The following KLHL3 variants were observed in gnomAD, a reference collection of about 807,000 sequenced individuals.
KLHL3 encodes kelch like family member 3, also known as kelch-like protein 3.
A neutral mutation model predicts 70.5 loss-of-function variants in KLHL3; 19 were observed. The ratio of observed to expected loss-of-function variants is 0.27; its 90% CI spans 0.19 to 0.40. The LOEUF (loss-of-function observed/expected upper bound fraction) is 0.40. KLHL3 is among the 10% of genes least tolerant of loss of function. The pLI is 1.00. For missense variants in KLHL3, 512 were observed against 771.1 expected (o/e 0.66, Z 3.98); for synonymous variants, 258 against 290.3 (o/e 0.89, Z 1.13).
chr5:137,658,034 G>T, intron 8 of KLHL3, 97 bp downstream of exon 8: 1 of 1,222,982 alleles, frequency 8.2e-7, no homozygotes, highest in Non-Finnish European at 1.2e-6. Context: ...CAAGATGCAG[G>T]GCAGCCATGG....
intron 1 of KLHL3, among the ~76,000 whole-genome samples, chr5:137,733,362 G>A (rs1273428452): frequency 6.6e-6 from 1 of 152,202 alleles, no homozygotes; most frequent in Non-Finnish European, 1.5e-5. Flanking sequence ...TTAGTTATCA[G>A]AGCCTCACAC....
chr5:137,701,344 G>A (rs1036282742), intron 3 of KLHL3, among the ~76,000 whole-genome samples: 3 of 151,980 alleles, frequency 2.0e-5, no homozygotes, highest in Non-Finnish European at 2.9e-5. Flanking sequence ...CACCGTGCCC[G>A]GCCAAAATTG....
At chr5:137,704,451 C>A (rs1752642994) in intron 3 of KLHL3, among the ~76,000 whole-genome samples, 1 of 152,078 alleles carries the variant, frequency 6.6e-6, no homozygotes. Flanking sequence ...TCCAAGATAC[C>A]ACACCATCTC....
intron 1 of KLHL3, chr5:137,725,082 A>G: frequency 1.0e-6 from 1 of 984,792 alleles, no homozygotes; most frequent in East Asian, 1.1e-4. Context: ...TAACTACTTA[A>G]ACCTCAATAG....
At chr5:137,663,484 C>T (rs1024959823) in intron 6 of KLHL3, among the ~76,000 whole-genome samples, 1 of 151,352 alleles carries the variant, frequency 6.6e-6, no homozygotes, top group Non-Finnish European at 1.5e-5. Context: ...AATCATCCTC[C>T]CATATACTTT....
chr5:137,691,614 C>CTT (rs34825035), intron 5 of KLHL3, among the ~76,000 whole-genome samples: 1 of 143,286 alleles, frequency 7.0e-6, no homozygotes. Flanking sequence ...TAGTACGTGA[C>CTT]TTTTTTTTTT....
chr5:137,692,522 C>T lies in KLHL3; in HGVS notation c.364-75G>A. Reference sequence around the variant, plus strand: ...TCATCTGCCTTTTCCTATCATATCACTCCCATGCTCAAGATCTTTTCATGG... The same window carrying T: ...TCATCTGCCTTTTCCTATCATATCATTCCCATGCTCAAGATCTTTTCATGG... On this transcript the variant is annotated intron_variant, in intron 4 of 14. Coordinates refer to ENST00000309755, the MANE Select transcript of KLHL3 (RefSeq NM_017415.3). 2.2e-6 allele frequency: 3 copies of T among 1,395,212 alleles called. No individual in the cohort carries two copies. In the South Asian group the frequency reaches 3.8e-5, roughly 18 times the overall value. The allele number at this position is 1,395,212 out of a possible 1,614,324, so 86.4% of individuals were successfully genotyped here. A position where few individuals can be genotyped will look rare whatever the true frequency, so the allele number is the denominator to read the frequency against.
intron 7 of KLHL3, among the ~76,000 whole-genome samples, chr5:137,659,510 T>C (rs915717532): frequency 5.3e-5 from 8 of 151,426 alleles, no homozygotes; most frequent in African/African-American, 1.9e-4. Flanking sequence ...CCTTGGAAGG[T>C]TTTTTTTTCC....
Position 137,677,661 on chromosome 5 carries a change from CAAAAA to C in KLHL3, c.527-12_527-8del. 1.2e-5 allele frequency: 15 copies of C among 1,246,116 alleles called. No homozygotes were observed. Among genetic ancestry groups the C allele is most frequent in the East Asian group, 2.6e-5 (1 of 38,252 alleles). 77.2% of individuals were successfully genotyped at this position (1,246,116 alleles called of 1,614,324 possible). ...ACCTCTGGAAAGTGCTGCTCTGTTC[CAAAAA>C]AAAAAAAAAGAAGTTAAGAAAACAA... On this transcript the variant is annotated splice_polypyrimidine_tract_variant and splice_region_variant and intron_variant, in intron 5 of 14. Transcript: ENST00000309755.
At chr5:137,724,336 G>T (rs1419338039) in intron 1 of KLHL3, among the ~76,000 whole-genome samples, 1 of 152,142 alleles carries the variant, frequency 6.6e-6, no homozygotes, top group Admixed American at 6.5e-5. Context: ...AAACTAAAAA[G>T]AGCCATTTTA....
chr5:137,639,629 C>T lies in KLHL3; in HGVS notation c.1021+231G>A, dbSNP rs1750858789. On this transcript the variant is annotated intron_variant, in intron 9 of 14. Transcript: ENST00000309755. The surrounding 1 kb of genome is among the most constrained non-coding windows in gnomAD (Gnocchi z 5.0). ...GAATCACTTGAACCCAGGAGGCAGA[C>T]GTTGCAGTGAGCCGAGATCATGACA... 6.7e-6 allele frequency among the ~76,000 whole-genome samples: 1 copy of T among 150,320 alleles called. No homozygotes were observed. Among genetic ancestry groups the T allele is most frequent in the Non-Finnish European group, 1.5e-5 (1 of 67,744 alleles).
chr5:137,653,388 A>G (rs1458977159), intron 8 of KLHL3, among the ~76,000 whole-genome samples: 1 of 152,250 alleles, frequency 6.6e-6, no homozygotes, highest in Non-Finnish European at 1.5e-5. Context: ...AGAATACATA[A>G]AGAATGTTTA....
intron 11 of KLHL3, among the ~76,000 whole-genome samples, chr5:137,636,818 C>T (rs1321098226): frequency 1.3e-5 from 2 of 152,210 alleles, no homozygotes; most frequent in South Asian, 4.1e-4. Flanking sequence ...GACTCAATCA[C>T]CAGCCTGCCC....
At chr5:137,678,996 T>A (rs1227373024) in intron 5 of KLHL3, among the ~76,000 whole-genome samples, 1 of 151,944 alleles carries the variant, frequency 6.6e-6, no homozygotes, top group Admixed American at 6.6e-5. Context: ...AGCTGGTCTT[T>A]GCTTCTCTGT....
At chr5:137,628,005 A>C in intron 13 of KLHL3, 1 of 358,838 alleles carries the variant, frequency 2.8e-6, no homozygotes, top group South Asian at 3.6e-5. Context: ...CACTGATGGC[A>C]ACCAGAGGAC....
intron 2 of KLHL3, 151 bp downstream of exon 2, chr5:137,720,314 G>C: frequency 1.2e-6 from 1 of 803,110 alleles, no homozygotes. Context: ...AAAAAAAAAA[G>C]AGAGAAAGAA....
intron 4 of KLHL3, among the ~76,000 whole-genome samples, chr5:137,696,643 G>T (rs1752450449): frequency 6.6e-6 from 1 of 152,144 alleles, no homozygotes; most frequent in African/African-American, 2.4e-5. Context: ...TGAGAAACTA[G>T]AATTCATCAT....
rs546214484 is a variant in KLHL3 at position 137,720,850 on chromosome 5, C to G, written c.15-266G>C. ...TGTGTGAGGTCCTTATTCTCCATCT[C>G]TCCATCCTGAAAACTGAAGGGGACT... On this transcript the variant is annotated intron_variant, in intron 1 of 14. Transcript: ENST00000309755. 9 of 1,267,930 alleles carry G rather than the reference C, an allele frequency of 7.1e-6. No individual in the cohort carries two copies. In the South Asian group the frequency reaches 1.3e-4, roughly 19 times the overall value. The allele number at this position is 1,267,930 out of a possible 1,614,324, so 78.5% of individuals were successfully genotyped here. A position where few individuals can be genotyped will look rare whatever the true frequency, so the allele number is the denominator to read the frequency against.
At chr5:137,632,248 C>G (rs550289952) in intron 12 of KLHL3, among the ~76,000 whole-genome samples, 12 of 152,286 alleles carry the variant, frequency 7.9e-5, no homozygotes, top group Non-Finnish European at 1.3e-4. Context: ...CATTACCTGA[C>G]TTCAAATTAT....
Sources: gnomAD v4.1 joint callset for allele counts (sites outside exome capture counted in the v4.1 genomes callset) on GRCh38, gnomAD v4.1.1 for gene constraint, Gnocchi (gnomAD v3.1) non-coding constraint, MANE v1.5 for transcripts, NCBI Gene and HGNC (gene_info 2026-07-23, HGNC 2026-07-21) for gene names.